Variants in CSMD1 observed in about 807,000 individuals in gnomAD.
CSMD1 encodes CUB and sushi domain-containing protein 1.
CSMD1 carries 213 observed loss-of-function variants against 417.5 expected under a neutral mutation model. The observed-to-expected ratio is 0.51, with a 90% CI of 0.46 to 0.57. The LOEUF is 0.57. CSMD1 is among the 20% of genes least tolerant of loss of function. The pLI is 0.00. For missense variants in CSMD1, 6,923 were observed against 4,529.7 expected, an observed-to-expected ratio of 1.53 and a Z score of -15.17; for synonymous variants, 2,862 against 1,736.8, an observed-to-expected ratio of 1.65 and a Z score of -16.11.
At chr8:4,627,711 C>CA (rs1563347533) in intron 2 of CSMD1, among the ~76,000 whole-genome samples, 1 of 151,998 alleles carries the variant, frequency 6.6e-6, no homozygotes, top group African/African-American at 2.4e-5. Context: ...TCTGCCCCGC[C>CA]AAAAAAATAA....
chr8:4,842,333 A>T (rs1346092549), intron 1 of CSMD1, among the ~76,000 whole-genome samples: 1 of 152,208 alleles, frequency 6.6e-6, no homozygotes, highest in East Asian at 1.9e-4. Context: ...TCTACAATGG[A>T]CTTTTAATAT....
At chr8:4,897,312 T>G (rs2117026934) in intron 1 of CSMD1, among the ~76,000 whole-genome samples, 1 of 152,106 alleles carries the variant, frequency 6.6e-6, no homozygotes, top group Non-Finnish European at 1.5e-5. Flanking sequence ...AAAAATAAAA[T>G]AGAGTTTTAC....
At chr8:4,825,941 C>A (rs575294101) in intron 1 of CSMD1, among the ~76,000 whole-genome samples, 7 of 152,078 alleles carry the variant, frequency 4.6e-5, no homozygotes, top group African/African-American at 1.7e-4. Flanking sequence ...AGGCAGCTAT[C>A]ACCTTACATC....
intron 3 of CSMD1, among the ~76,000 whole-genome samples, chr8:4,142,793 C>T (rs992989538): frequency 6.6e-6 from 1 of 150,946 alleles, no homozygotes; most frequent in South Asian, 2.1e-4. Flanking sequence ...TCAACAAAGT[C>T]TCGTATTTAT....
At chr8:4,219,135 G>A (rs879771869) in intron 3 of CSMD1, among the ~76,000 whole-genome samples, 1 of 152,044 alleles carries the variant, frequency 6.6e-6, no homozygotes, top group African/African-American at 2.4e-5. Context: ...CCTTTCATCT[G>A]TGCCCTTTTT....
chr8:3,923,373 T>G (rs757225377), intron 5 of CSMD1, among the ~76,000 whole-genome samples: 2 of 152,202 alleles, frequency 1.3e-5, no homozygotes, highest in African/African-American at 4.8e-5. Flanking sequence ...CCCCTTCCCA[T>G]TGCAATTTCC....
chr8:4,468,808 TTATTG>T (rs1800346122), intron 2 of CSMD1, among the ~76,000 whole-genome samples: 1 of 152,266 alleles, frequency 6.6e-6, no homozygotes, highest in African/African-American at 2.4e-5. Flanking sequence ...TAATCAATAA[TTATTG>T]TATTGAATTT....
At chr8:3,211,710 C>A (rs12544683) in intron 30 of CSMD1, among the ~76,000 whole-genome samples, 49 of 152,206 alleles carry the variant, frequency 3.2e-4, no homozygotes, top group African/African-American at 1.2e-3. Context: ...CAGGGCGCAC[C>A]TTTCAGTGCT....
chr8:4,936,205 C>G (rs1423907606), intron 1 of CSMD1, among the ~76,000 whole-genome samples: 1 of 152,102 alleles, frequency 6.6e-6, no homozygotes, highest in Non-Finnish European at 1.5e-5. Flanking sequence ...TATTATGCTT[C>G]CATATAATAA....
At chr8:4,686,669 G>A (rs1427491510) in intron 1 of CSMD1, among the ~76,000 whole-genome samples, 2 of 152,170 alleles carry the variant, frequency 1.3e-5, no homozygotes, top group Non-Finnish European at 2.9e-5. Context: ...GTTGCTCTGG[G>A]TTTTCATTTC....
chr8:4,723,635 G>T (rs1356225856), intron 1 of CSMD1, among the ~76,000 whole-genome samples: 2 of 151,976 alleles, frequency 1.3e-5, no homozygotes, highest in African/African-American at 2.4e-5. Flanking sequence ...AGTTTGTTTA[G>T]CTAATGACCT....
chr8:4,696,092 C>G (rs985615004), intron 1 of CSMD1, among the ~76,000 whole-genome samples: 2 of 152,142 alleles, frequency 1.3e-5, no homozygotes, highest in Admixed American at 1.3e-4. Flanking sequence ...CATGATCAAT[C>G]AACAGCCTTC....
chr8:4,738,917 G>C (rs750722669), intron 1 of CSMD1, among the ~76,000 whole-genome samples: 1 of 151,998 alleles, frequency 6.6e-6, no homozygotes, highest in Non-Finnish European at 1.5e-5. Context: ...GTGTGTGTGT[G>C]TGTGTATGTG....
chr8:4,454,040 T>A (rs1799322335), intron 2 of CSMD1, among the ~76,000 whole-genome samples: 1 of 151,930 alleles, frequency 6.6e-6, no homozygotes, highest in Non-Finnish European at 1.5e-5. Context: ...GCCGGGATGG[T>A]CTCGATCTCC....
intron 7 of CSMD1, among the ~76,000 whole-genome samples, chr8:3,663,751 G>A (rs894867203): frequency 3.3e-5 from 5 of 152,092 alleles, no homozygotes; most frequent in East Asian, 1.9e-4. Flanking sequence ...TTTCTGGACC[G>A]AACCAACGTT....
At chr8:4,106,770 C>G (rs1801589654) in intron 3 of CSMD1, among the ~76,000 whole-genome samples, 1 of 152,150 alleles carries the variant, frequency 6.6e-6, no homozygotes. Flanking sequence ...TAGTGATCAG[C>G]GGCCACAGTG....
Position 2,978,819 on chromosome 8 carries a change from C to T in CSMD1, c.8378-19G>A, listed in dbSNP as rs751086146. 6.4e-7 allele frequency: 1 copy of T among 1,572,798 alleles called. No individual in the cohort carries two copies. Among genetic ancestry groups the T allele is most frequent in the Non-Finnish European group, 8.6e-7 (1 of 1,159,334 alleles). Reference sequence around the variant, plus strand: ...TTCACCACTAGAAAATAAAACATTTCACACACCATTTAGAAACAGCTAGAA... The same window carrying T: ...TTCACCACTAGAAAATAAAACATTTTACACACCATTTAGAAACAGCTAGAA... On this transcript the variant is annotated intron_variant, in intron 54 of 69. Transcript: ENST00000635120.
intron 2 of CSMD1, among the ~76,000 whole-genome samples, chr8:4,436,083 T>C (rs868109507): frequency 7.2e-5 from 11 of 152,156 alleles, no homozygotes; most frequent in Non-Finnish European, 1.0e-4. Flanking sequence ...GTTTCAAGAA[T>C]AAAACCAACA....
chr8:4,250,283 G>A (rs1014559137), intron 3 of CSMD1, among the ~76,000 whole-genome samples: 3 of 152,134 alleles, frequency 2.0e-5, no homozygotes, highest in Non-Finnish European at 4.4e-5. Flanking sequence ...GATATAAATA[G>A]CCCAGCTCAG....
Sources: allele counts gnomAD v4.1 joint callset (sites outside exome capture counted in the v4.1 genomes callset), GRCh38; gene constraint gnomAD v4.1.1; transcripts MANE v1.5; gene names NCBI Gene and HGNC (gene_info 2026-07-23, HGNC 2026-07-21).